The following GRIK4 variants were observed in gnomAD, a reference collection of about 807,000 sequenced individuals.
GRIK4 encodes the protein glutamate receptor ionotropic, kainate 4.
In GRIK4, 40 loss-of-function variants were observed where a neutral mutation model predicts 104.9. The observed-to-expected ratio is 0.38, with a 90% confidence interval of 0.30 to 0.50. The LOEUF is 0.50. GRIK4 is among the 20% of genes least tolerant of loss of function. GRIK4 has a pLI of 0.93. For synonymous variants in GRIK4, 485 were observed against 524.9 expected (o/e 0.92, Z 1.04); for missense variants, 1,047 against 1,308.1 (o/e 0.80, Z 3.08).
intron 3 of GRIK4, among the ~76,000 whole-genome samples, chr11:120,760,078 T>C (rs1284020625): frequency 6.6e-6 from 1 of 152,016 alleles, no homozygotes; most frequent in African/African-American, 2.4e-5. Flanking sequence ...GTTAGGTCTC[T>C]AAACGTGTTC....
intron 3 of GRIK4, among the ~76,000 whole-genome samples, chr11:120,760,281 T>C (rs1201987135): frequency 6.6e-6 from 1 of 151,104 alleles, no homozygotes; most frequent in Non-Finnish European, 1.5e-5. Flanking sequence ...TAGCATATTG[T>C]TCTCTAGGTC....
intron 1 of GRIK4, among the ~76,000 whole-genome samples, chr11:120,537,550 A>T (rs1006377631): frequency 6.6e-6 from 1 of 152,172 alleles, no homozygotes; most frequent in African/African-American, 2.4e-5. Flanking sequence ...GGATGCCCAC[A>T]GTGAAGGAAG....
At chr11:120,739,439 G>A (rs1951287769) in intron 3 of GRIK4, among the ~76,000 whole-genome samples, 1 of 152,128 alleles carries the variant, frequency 6.6e-6, no homozygotes, top group Non-Finnish European at 1.5e-5. Context: ...CCTCTTCCAG[G>A]CCTTGCTTCA....
chr11:120,533,027 A>T (rs932065671), intron 1 of GRIK4, among the ~76,000 whole-genome samples: 2 of 152,144 alleles, frequency 1.3e-5, no homozygotes, highest in Non-Finnish European at 2.9e-5. Context: ...ATGCGGTGTG[A>T]TGTGCCAAGG....
At chr11:120,888,010 A>G (rs1290464018) in intron 11 of GRIK4, among the ~76,000 whole-genome samples, 1 of 152,086 alleles carries the variant, frequency 6.6e-6, no homozygotes, top group Non-Finnish European at 1.5e-5. Flanking sequence ...TTGGGAAGCC[A>G]GAACTCCCAC....
intron 8 of GRIK4, among the ~76,000 whole-genome samples, chr11:120,852,292 T>C (rs2135601080): frequency 6.6e-6 from 1 of 152,320 alleles, no homozygotes; most frequent in African/African-American, 2.4e-5. Flanking sequence ...CCTGGAAGCA[T>C]ATGACTGAGG....
chr11:120,924,758 A>G (rs191057261), intron 13 of GRIK4, among the ~76,000 whole-genome samples: 144 of 152,358 alleles, frequency 9.5e-4, no homozygotes, highest in African/African-American at 3.4e-3. Flanking sequence ...GTTTTGGGGT[A>G]TGACTATTGA....
chr11:120,650,164 C>T (rs971718978), intron 1 of GRIK4, among the ~76,000 whole-genome samples: 3 of 152,198 alleles, frequency 2.0e-5, no homozygotes, highest in Admixed American at 1.3e-4. Flanking sequence ...TTTCAGTGTA[C>T]TGGAGATGGG....
intron 20 of GRIK4, among the ~76,000 whole-genome samples, chr11:120,984,820 C>CTTTT (rs569201252): frequency 8.6e-6 from 1 of 115,800 alleles, no homozygotes; most frequent in African/African-American, 3.3e-5. Flanking sequence ...CATCTATATT[C>CTTTT]TTTTTTTTTT....
At chr11:120,578,515 A>G (rs565435177) in intron 1 of GRIK4, among the ~76,000 whole-genome samples, 45 of 152,342 alleles carry the variant, frequency 3.0e-4, no homozygotes, top group African/African-American at 1.1e-3. Context: ...TACACGTAAC[A>G]CAGCTGAAGC....
intron 1 of GRIK4, among the ~76,000 whole-genome samples, chr11:120,639,648 A>G (rs558992723): frequency 2.0e-5 from 3 of 151,848 alleles, no homozygotes; most frequent in African/African-American, 7.2e-5. Flanking sequence ...TGTCAATTCT[A>G]CCTCCTAAAA....
chr11:120,965,385 C>T (rs1944364917), intron 18 of GRIK4, among the ~76,000 whole-genome samples: 1 of 152,218 alleles, frequency 6.6e-6, no homozygotes, highest in African/African-American at 2.4e-5. Context: ...TTAGACAACT[C>T]GTTCATGTGT....
At chr11:120,701,175 G>A (rs984086414) in intron 3 of GRIK4, among the ~76,000 whole-genome samples, 1 of 152,056 alleles carries the variant, frequency 6.6e-6, no homozygotes, top group East Asian at 1.9e-4. Context: ...TGTACAATAC[G>A]GTTTTATTAA....
rs553510090 is a variant in GRIK4 at position 120,899,235 on chromosome 11, G to A, written c.1272+596G>A. ...AGTTTGAGACCAAGCTGGCCAACAC[G>A]GCGAAACCCTGTCTCTACTAAAAAA... On this transcript the variant is annotated intron_variant, in intron 12 of 20. Coordinates refer to ENST00000527524, the MANE Select transcript of GRIK4 (RefSeq NM_014619.5). Among the ~76,000 whole-genome samples the A allele has an allele frequency of 3.0e-3, 453 of 151,950 alleles. 3 individuals are homozygous for A. Among genetic ancestry groups the A allele is most frequent in the African/African-American group, 0.01 (433 of 41,410 alleles).
chr11:120,917,247 C>CAAAAAA (rs199620498), intron 13 of GRIK4, among the ~76,000 whole-genome samples: 32 of 34,640 alleles, frequency 9.2e-4, no homozygotes, highest in Admixed American at 1.9e-3. Context: ...AACTCCGTCT[C>CAAAAAA]AAAAAAAAAA....
intron 3 of GRIK4, among the ~76,000 whole-genome samples, chr11:120,705,752 T>G (rs1950620225): frequency 6.6e-6 from 1 of 152,206 alleles, no homozygotes. Context: ...TTCCTAGGTA[T>G]TTTGTTCTTT....
At chr11:120,564,274 G>A (rs1320899643) in intron 1 of GRIK4, among the ~76,000 whole-genome samples, 1 of 152,236 alleles carries the variant, frequency 6.6e-6, no homozygotes, top group African/African-American at 2.4e-5. Context: ...TTGAAGCGCC[G>A]GAGCGCAGCT....
chr11:120,551,954 C>T (rs2136095979), intron 1 of GRIK4, among the ~76,000 whole-genome samples: 2 of 152,320 alleles, frequency 1.3e-5, no homozygotes, highest in South Asian at 4.1e-4. Flanking sequence ...GCCCTGCGGC[C>T]CTTCCCCCAT....
At chr11:120,877,017 G>T (rs1192753888) in intron 11 of GRIK4, among the ~76,000 whole-genome samples, 2 of 152,224 alleles carry the variant, frequency 1.3e-5, no homozygotes, top group Non-Finnish European at 2.9e-5. Flanking sequence ...TCGTAATTAT[G>T]CTGGGCCCTG....
Sources: allele counts gnomAD v4.1 joint callset (sites outside exome capture counted in the v4.1 genomes callset), GRCh38; gene constraint gnomAD v4.1.1; transcripts MANE v1.5; gene names NCBI Gene and HGNC (gene_info 2026-07-23, HGNC 2026-07-21).